DNAJC5B: variants seen among roughly 807,000 people sequenced by gnomAD.
The protein encoded by DNAJC5B is DnaJ heat shock protein family (Hsp40) member C5 beta, also known as dnaJ homolog subfamily C member 5B.
A neutral mutation model predicts 24.7 loss-of-function variants in DNAJC5B; 23 were observed. That is an observed-to-expected ratio of 0.93 (90% CI 0.67 to 1.32). The LOEUF is 1.32. Among genes scored for constraint, DNAJC5B ranks in the 40% most tolerant of loss-of-function variants. The pLI, the probability that DNAJC5B is intolerant of heterozygous loss-of-function variation, is 0.00. For synonymous variants in DNAJC5B, 101 were observed against 90.1 expected (o/e 1.12, Z -0.68); for missense variants, 238 against 240.8 (o/e 0.99, Z 0.08).
chr8:66,075,291 T>C (rs1209996263), intron 3 of DNAJC5B, among the ~76,000 whole-genome samples: 1 of 152,140 alleles, frequency 6.6e-6, no homozygotes, highest in Non-Finnish European at 1.5e-5. Flanking sequence ...TCAAGTGATC[T>C]GTCTGCCTGG....
intron 5 of DNAJC5B, among the ~76,000 whole-genome samples, chr8:66,089,056 T>C (rs1807790449): frequency 6.6e-6 from 1 of 152,222 alleles, no homozygotes; most frequent in Non-Finnish European, 1.5e-5. Context: ...AGATACCACC[T>C]GAGACTGGGT....
intron 1 of DNAJC5B, among the ~76,000 whole-genome samples, chr8:66,032,567 T>A (rs565646291): frequency 7.8e-4 from 119 of 152,314 alleles, no homozygotes; most frequent in South Asian, 1.2e-3. Context: ...GGCATCCTTT[T>A]AAACTGCTGT....
chr8:66,067,937 CT>C (rs1271121342), intron 3 of DNAJC5B, among the ~76,000 whole-genome samples: 1 of 152,130 alleles, frequency 6.6e-6, no homozygotes, highest in Non-Finnish European at 1.5e-5. Flanking sequence ...CTTTATGTAG[CT>C]TGTTACAGAG....
chr8:66,038,053 T>C (rs983150539), intron 1 of DNAJC5B, among the ~76,000 whole-genome samples: 1 of 152,222 alleles, frequency 6.6e-6, no homozygotes, highest in South Asian at 2.1e-4. Flanking sequence ...GGGTTCCCTT[T>C]GTCATTTACA....
intron 1 of DNAJC5B, among the ~76,000 whole-genome samples, chr8:66,042,523 C>G (rs969398679): frequency 8.5e-5 from 13 of 152,208 alleles, no homozygotes; most frequent in African/African-American, 3.1e-4. Context: ...TCAAAGGACA[C>G]TGTCCTTAAG....
intron 3 of DNAJC5B, among the ~76,000 whole-genome samples, chr8:66,063,039 G>A (rs112811687): frequency 0.043 from 6,537 of 152,196 alleles, 471 homozygotes; most frequent in African/African-American, 0.15. Context: ...AAATCAAAGT[G>A]AACTAGTTTT....
chr8:66,073,857 G>C (rs1807405452), intron 3 of DNAJC5B, among the ~76,000 whole-genome samples: 1 of 152,096 alleles, frequency 6.6e-6, no homozygotes, highest in South Asian at 2.1e-4. Flanking sequence ...CCATATGAAA[G>C]GAAAAGCTAT....
At chr8:66,022,581 A>G (rs1586055612) in intron 1 of DNAJC5B, among the ~76,000 whole-genome samples, 2 of 152,212 alleles carry the variant, frequency 1.3e-5, no homozygotes. Flanking sequence ...GGGGACCCCA[A>G]CAGCCATCGA....
At chr8:66,085,209 G>C (rs1807694556) in intron 5 of DNAJC5B, among the ~76,000 whole-genome samples, 1 of 152,140 alleles carries the variant, frequency 6.6e-6, no homozygotes, top group Non-Finnish European at 1.5e-5. Context: ...GGAGGCGGAG[G>C]CTGGTGGATC....
At chr8:66,076,515 T>C (rs1807465883) in intron 3 of DNAJC5B, 145 bp from the exon 4 acceptor site, 5 of 824,338 alleles carry the variant, frequency 6.1e-6, no homozygotes, top group African/African-American at 1.7e-5. Flanking sequence ...GAAAATGTAC[T>C]TGTTAATCAC....
chr8:66,072,596 C>T (rs186927164), intron 3 of DNAJC5B, among the ~76,000 whole-genome samples: 88 of 152,134 alleles, frequency 5.8e-4, no homozygotes, highest in Middle Eastern at 3.4e-3. Context: ...TTTTAAATAG[C>T]TGGAAATTTT....
At chr8:66,092,235 A>G (rs1163761838) in intron 5 of DNAJC5B, among the ~76,000 whole-genome samples, 1 of 152,196 alleles carries the variant, frequency 6.6e-6, no homozygotes, top group African/African-American at 2.4e-5. Context: ...TTGACTAGAA[A>G]AAGAAACTGA....
upstream of DNAJC5B, among the ~76,000 whole-genome samples, chr8:66,020,594 CTGTGTGTGTGTGTGTGTGTGTGTGTGTG>C (rs10526018): frequency 0.011 from 1,475 of 132,448 alleles, 35 homozygotes; most frequent in East Asian, 0.036. Flanking sequence ...AATCAATACT[CTGTGTGTGTGTGTGTGTGTGTGTGTGTG>C]TGTGTGTGTG....
At chr8:66,095,692 C>G (rs1022474502) in intron 5 of DNAJC5B, among the ~76,000 whole-genome samples, 1 of 148,280 alleles carries the variant, frequency 6.7e-6, no homozygotes, top group Non-Finnish European at 1.5e-5. Flanking sequence ...CACACACACA[C>G]ACATACAATG....
chr8:66,050,748 C>T lies in DNAJC5B; in HGVS notation c.-17-783C>T, dbSNP rs975951301. On this transcript the variant is annotated intron_variant, in intron 2 of 5. Coordinates refer to ENST00000276570, the MANE Select transcript of DNAJC5B (RefSeq NM_033105.6). ...TCTCTGGCCAGAACTCCCCAAAAGGCATTTGTTAAGATGGCCTAGATGGCC... is the reference window on the plus strand; with the variant it reads ...TCTCTGGCCAGAACTCCCCAAAAGGTATTTGTTAAGATGGCCTAGATGGCC... 3.1e-4 allele frequency among the ~76,000 whole-genome samples: 47 copies of T among 152,176 alleles called. 1 individual carries two copies. Among genetic ancestry groups the T allele is most frequent in the African/African-American group, 1.1e-3 (47 of 41,440 alleles).
chr8:66,080,582 C>T, intron 5 of DNAJC5B, 34 bp downstream of exon 5: 2 of 1,543,066 alleles, frequency 1.3e-6, no homozygotes, highest in Non-Finnish European at 1.8e-6. Flanking sequence ...TAGTGAGTGT[C>T]CATTCATAGG....
At chr8:66,062,020 AGCAGAGCACT>A (rs1807094206) in intron 3 of DNAJC5B, among the ~76,000 whole-genome samples, 1 of 152,172 alleles carries the variant, frequency 6.6e-6, no homozygotes, top group African/African-American at 2.4e-5. Flanking sequence ...GCGCTGTTCC[AGCAGAGCACT>A]GCAGCCTCAC....
chr8:66,063,591 C>T (rs1422154754), intron 3 of DNAJC5B, among the ~76,000 whole-genome samples: 2 of 152,150 alleles, frequency 1.3e-5, no homozygotes, highest in Admixed American at 6.5e-5. Context: ...GCTGCATAAC[C>T]TCCCTTGTCC....
intron 5 of DNAJC5B, among the ~76,000 whole-genome samples, chr8:66,098,950 T>C (rs904509201): frequency 1.3e-5 from 2 of 152,048 alleles, no homozygotes; most frequent in East Asian, 3.8e-4. Context: ...GATCTTAGCA[T>C]GCATTGTTTC....
Sources: gnomAD v4.1 joint callset for allele counts (sites outside exome capture counted in the v4.1 genomes callset) on GRCh38, gnomAD v4.1.1 for gene constraint, MANE v1.5 for transcripts, NCBI Gene and HGNC (gene_info 2026-07-23, HGNC 2026-07-21) for gene names.